CFAP54: variants seen among roughly 807,000 people sequenced by gnomAD.
CFAP54 encodes cilia- and flagella-associated protein 54.
A neutral mutation model predicts 370.4 loss-of-function variants in CFAP54; 290 were observed. That is an observed-to-expected ratio of 0.78 (90% CI 0.71 to 0.86). The LOEUF (loss-of-function observed/expected upper bound fraction) is 0.86, where lower values mean the gene tolerates loss of function less well. CFAP54 is among the 40% of genes least tolerant of loss of function. The probability of loss-of-function intolerance (pLI) is 0.00; values close to 1 mark genes in which losing one functional copy is unlikely to be tolerated. For synonymous variants in CFAP54, 1,206 were observed against 1,236.5 expected (o/e 0.98, Z 0.52); for missense variants, 3,399 against 3,528.7 (o/e 0.96, Z 0.93).
intron 47 of CFAP54, among the ~76,000 whole-genome samples, chr12:96,708,278 T>C (rs1173281097): frequency 6.6e-6 from 1 of 152,148 alleles, no homozygotes; most frequent in Non-Finnish European, 1.5e-5. Flanking sequence ...GAGTAGCCGA[T>C]GTGTGTGTCT....
At chr12:96,687,038 C>A (rs1005851947) in intron 42 of CFAP54, among the ~76,000 whole-genome samples, 2 of 152,136 alleles carry the variant, frequency 1.3e-5, no homozygotes, top group African/African-American at 4.8e-5. Flanking sequence ...TTCTTGAGGT[C>A]TCTTGCATTC....
At chr12:96,592,894 A>G (rs1956141220) in intron 24 of CFAP54, among the ~76,000 whole-genome samples, 1 of 152,202 alleles carries the variant, frequency 6.6e-6, no homozygotes, top group Non-Finnish European at 1.5e-5. Context: ...TTGAAAATAT[A>G]TAATGTATAA....
chr12:96,522,321 A>G (rs1263094373), intron 8 of CFAP54, 132 bp downstream of exon 8: 7 of 582,108 alleles, frequency 1.2e-5, no homozygotes, highest in Non-Finnish European at 2.0e-5. Context: ...GGGTAAATAG[A>G]GAGAAGAATG....
chr12:96,792,337 C>T lies in CFAP54; in HGVS notation c.8688C>T (p.Arg2896=), dbSNP rs889985729. 9 of 1,517,534 alleles carry T rather than the reference C, an allele frequency of 5.9e-6. No individual in the cohort carries two copies. Among genetic ancestry groups the T allele is most frequent in the African/African-American group, 4.2e-5 (3 of 72,214 alleles). 94.0% of individuals were successfully genotyped at this position (1,517,534 alleles called of 1,614,324 possible). A position where few individuals can be genotyped will look rare whatever the true frequency, so the allele number is the denominator to read the frequency against. ...DLRESSAKLY[R]DSSVQSILSF... is the part of the protein sequence containing the mutation. ...TTTTGTTTGTTCCCTAGTTGTATCGCGATAGTTCTGTACAATCCATTTTAT... is the reference window on the plus strand; with the variant it reads ...TTTTGTTTGTTCCCTAGTTGTATCGTGATAGTTCTGTACAATCCATTTTAT... Residue 2896 remains arginine, a synonymous_variant, in exon 63 of 68, where the codon CGC becomes CGT. Transcript: ENST00000524981.
intron 32 of CFAP54, among the ~76,000 whole-genome samples, chr12:96,641,438 G>A (rs1197046412): frequency 6.6e-6 from 1 of 152,092 alleles, no homozygotes; most frequent in Non-Finnish European, 1.5e-5. Context: ...AGAGGTGCTG[G>A]AGAGGATGTG....
At chr12:96,753,620 C>T (rs1958215602) in intron 55 of CFAP54, 123 bp from the exon 56 acceptor site, 2 of 911,594 alleles carry the variant, frequency 2.2e-6, no homozygotes, top group Non-Finnish European at 1.6e-6. Context: ...ATGCTAAAAA[C>T]TGTAAAAACT....
At chr12:96,651,905 T>A (rs1340701071) in intron 36 of CFAP54, 90 bp downstream of exon 36, 34 of 761,304 alleles carry the variant, frequency 4.5e-5, no homozygotes, top group Non-Finnish European at 5.9e-5. Flanking sequence ...TTTTTTTTTT[T>A]ATTTCTCATT....
rs1476005895 is a variant in CFAP54 at position 96,704,484 on chromosome 12, A to G, written c.6475-259A>G. 9.6e-5 allele frequency among the ~76,000 whole-genome samples: 12 copies of G among 124,394 alleles called. 1 individual carries two copies. The highest frequency in any genetic ancestry group is 9.3e-4 in the East Asian group (4 of 4,306). 81.6% of individuals were successfully genotyped at this position (124,394 alleles called of 152,430 possible). A position where few individuals can be genotyped will look rare whatever the true frequency, so the allele number is the denominator to read the frequency against. On this transcript the variant is annotated intron_variant, in intron 46 of 67. Coordinates refer to ENST00000524981, the MANE Select transcript of CFAP54 (RefSeq NM_001306084.2). ...TATATATATATATATATATATATATATATATATATATATATATTTAAAATA... is the reference window on the plus strand; with the variant it reads ...TATATATATATATATATATATATATGTATATATATATATATATTTAAAATA...
rs1032342684 is a variant in CFAP54, at chr12:96,679,693, A to G, written c.5657A>G (p.His1886Arg). Residue 1886 changes from histidine to arginine, a missense_variant, in exon 40 of 68, where the codon CAT (histidine) becomes CGT (arginine). His to Arg is a conservative substitution (Grantham distance 29). Coordinates refer to ENST00000524981, the MANE Select transcript of CFAP54 (RefSeq NM_001306084.2). Reference sequence around the variant, plus strand: ...GAGACACTGGAAAAATCCAAATACCATAACAGATCAATCCGACACAGCAGA... The same window carrying G: ...GAGACACTGGAAAAATCCAAATACCGTAACAGATCAATCCGACACAGCAGA... ...FRETLEKSKY[H>R]NRSIRHSRKL... 13 of 1,613,798 alleles carry G rather than the reference A, an allele frequency of 8.1e-6. No individual in the cohort carries two copies. Among genetic ancestry groups the G allele is most frequent in the African/African-American group, 8.0e-5 (6 of 74,916 alleles).
At chr12:96,848,779 C>T (rs1211568671) in intron 66 of CFAP54, among the ~76,000 whole-genome samples, 3 of 151,946 alleles carry the variant, frequency 2.0e-5, no homozygotes, top group Non-Finnish European at 4.4e-5. Flanking sequence ...CCTTTTTTGT[C>T]ATATTTAAAG....
intron 22 of CFAP54, among the ~76,000 whole-genome samples, chr12:96,588,616 A>G (rs1956095246): frequency 6.6e-6 from 1 of 152,184 alleles, no homozygotes; most frequent in Non-Finnish European, 1.5e-5. Context: ...GGAGTGGAGA[A>G]TATTCTAGTA....
Position 96,720,277 on chromosome 12 carries a change from T to C in CFAP54, c.6805-128T>C, listed in dbSNP as rs975561242. On this transcript the variant is annotated intron_variant, in intron 49 of 67. Transcript: ENST00000524981. Reference sequence around the variant, plus strand: ...TGAACTCTCTTCTCTGGTAATTAGATACCAAGTTCCTTTTTGGTCTTCCAT... The same window carrying C: ...TGAACTCTCTTCTCTGGTAATTAGACACCAAGTTCCTTTTTGGTCTTCCAT... 5 of 785,072 alleles carry C rather than the reference T, an allele frequency of 6.4e-6. No individual in the cohort carries two copies. The Admixed American group carries it at 1.7e-4, about 26-fold the overall frequency. 48.6% of individuals were successfully genotyped at this position (785,072 alleles called of 1,614,324 possible).
chr12:96,754,027 T>A, intron 56 of CFAP54, 129 bp downstream of exon 56: 1 of 805,244 alleles, frequency 1.2e-6, no homozygotes, highest in Non-Finnish European at 1.8e-6. Context: ...TAGAGATGAT[T>A]AACACAATGG....
intron 36 of CFAP54, among the ~76,000 whole-genome samples, chr12:96,652,185 T>C (rs1956867254): frequency 6.6e-6 from 1 of 152,228 alleles, no homozygotes; most frequent in Non-Finnish European, 1.5e-5. Context: ...CCACTGCTTC[T>C]CTGTCCTGTT....
chr12:96,560,855 T>C (rs1955807007), intron 17 of CFAP54, among the ~76,000 whole-genome samples: 1 of 152,226 alleles, frequency 6.6e-6, no homozygotes, highest in Non-Finnish European at 1.5e-5. Context: ...CCATTGGTGA[T>C]CCTTCCTGAA....
intron 60 of CFAP54, among the ~76,000 whole-genome samples, chr12:96,784,502 CAT>C (rs375104920): frequency 4.6e-5 from 7 of 150,692 alleles, no homozygotes; most frequent in South Asian, 2.1e-4. Context: ...AAAGAGAGTT[CAT>C]ATATATATAT....
At chr12:96,850,573 A>T (rs945491980) in intron 66 of CFAP54, among the ~76,000 whole-genome samples, 1 of 151,982 alleles carries the variant, frequency 6.6e-6, no homozygotes, top group Non-Finnish European at 1.5e-5. Flanking sequence ...CCTGGCTCTG[A>T]TACTAAATAG....
intron 66 of CFAP54, among the ~76,000 whole-genome samples, chr12:96,854,683 T>G (rs17025972): frequency 0.015 from 2,317 of 152,344 alleles, 73 homozygotes; most frequent in African/African-American, 0.054. Flanking sequence ...TCAATAATGA[T>G]AATCATATGT....
intron 1 of CFAP54, among the ~76,000 whole-genome samples, chr12:96,498,240 A>C (rs1954980898): frequency 6.6e-6 from 1 of 152,266 alleles, no homozygotes; most frequent in African/African-American, 2.4e-5. Context: ...AGTGTCTTCA[A>C]TAAATGGTCC....
Sources: gnomAD v4.1 joint callset for allele counts (sites outside exome capture counted in the v4.1 genomes callset) on GRCh38, gnomAD v4.1.1 for gene constraint, MANE v1.5 for transcripts, NCBI Gene and HGNC (gene_info 2026-07-23, HGNC 2026-07-21) for gene names.